The following ST6GALNAC3 variants were observed in gnomAD, a reference collection of about 807,000 sequenced individuals.
The protein encoded by ST6GALNAC3 is ST6 N-acetylgalactosaminide alpha-2,6-sialyltransferase 3.
A neutral mutation model predicts 32.7 loss-of-function variants in ST6GALNAC3; 25 were observed. The observed-to-expected ratio is 0.76, with a 90% confidence interval of 0.56 to 1.07. The LOEUF (loss-of-function observed/expected upper bound fraction) is 1.07. Ranked by LOEUF, ST6GALNAC3 falls within the 50% of genes least tolerant of loss-of-function variation. The probability of loss-of-function intolerance (pLI) is 0.00; values close to 1 mark genes in which losing one functional copy is unlikely to be tolerated. For missense variants in ST6GALNAC3, 355 were observed against 382.4 expected (o/e 0.93, Z 0.60); for synonymous variants, 129 against 133.1 (o/e 0.97, Z 0.21).
At chr1:76,440,465 T>A (rs1323506905) in intron 3 of ST6GALNAC3, among the ~76,000 whole-genome samples, 1 of 152,244 alleles carries the variant, frequency 6.6e-6, no homozygotes, top group Non-Finnish European at 1.5e-5. Context: ...TCCATGTCGA[T>A]GACAACATGA....
At chr1:76,357,533 C>T (rs778131279) in intron 2 of ST6GALNAC3, among the ~76,000 whole-genome samples, 19 of 152,138 alleles carry the variant, frequency 1.2e-4, no homozygotes, top group African/African-American at 4.3e-4. Flanking sequence ...AAATTCTATC[C>T]TTCCAGTGGG....
intron 1 of ST6GALNAC3, among the ~76,000 whole-genome samples, chr1:76,217,878 T>C (rs1477883808): frequency 6.6e-6 from 1 of 152,258 alleles, no homozygotes; most frequent in Non-Finnish European, 1.5e-5. Context: ...TAGTATTCTA[T>C]GGTATATATA....
At chr1:76,302,708 C>T (rs1282926490) in intron 1 of ST6GALNAC3, among the ~76,000 whole-genome samples, 1 of 152,042 alleles carries the variant, frequency 6.6e-6, no homozygotes, top group East Asian at 1.9e-4. Flanking sequence ...CTCTTATTTT[C>T]CCCAATTTTA....
chr1:76,285,025 G>A (rs1451824214), intron 1 of ST6GALNAC3, among the ~76,000 whole-genome samples: 1 of 152,162 alleles, frequency 6.6e-6, no homozygotes, highest in Non-Finnish European at 1.5e-5. Flanking sequence ...AAGAGAGGTA[G>A]GAAATGAGGC....
intron 3 of ST6GALNAC3, among the ~76,000 whole-genome samples, chr1:76,449,827 ATT>A (rs1385982300): frequency 6.6e-6 from 1 of 151,876 alleles, no homozygotes; most frequent in Non-Finnish European, 1.5e-5. Context: ...ATTTGTTTTG[ATT>A]TCAATAGGTT....
chr1:76,084,527 A>G (rs1048099301), intron 1 of ST6GALNAC3, among the ~76,000 whole-genome samples: 3 of 152,186 alleles, frequency 2.0e-5, no homozygotes, highest in African/African-American at 7.2e-5. Flanking sequence ...CCAGGAGGGT[A>G]TTACACATAT....
intron 3 of ST6GALNAC3, among the ~76,000 whole-genome samples, chr1:76,527,212 C>T (rs1019290829): frequency 5.9e-5 from 9 of 152,042 alleles, no homozygotes; most frequent in Non-Finnish European, 1.0e-4. Context: ...GCATATATTG[C>T]ACACAGAAAG....
intron 1 of ST6GALNAC3, among the ~76,000 whole-genome samples, chr1:76,172,887 TATC>T (rs1294199967): frequency 5.3e-5 from 8 of 152,308 alleles, no homozygotes; most frequent in African/African-American, 1.7e-4. Context: ...GAAGAATTAA[TATC>T]ATGAAAATGG....
chr1:76,313,379 C>T (rs114812223), intron 1 of ST6GALNAC3, among the ~76,000 whole-genome samples: 1,613 of 152,086 alleles, frequency 0.011, 31 homozygotes, highest in African/African-American at 0.036. Context: ...AAAAGTACAA[C>T]AATAGAAGTG....
At chr1:76,141,156 A>G (rs1650296226) in intron 1 of ST6GALNAC3, among the ~76,000 whole-genome samples, 1 of 152,188 alleles carries the variant, frequency 6.6e-6, no homozygotes, top group Non-Finnish European at 1.5e-5. Context: ...CCTTTGTGAC[A>G]GTCCCAATGG....
At chr1:76,151,467 G>C (rs1570209150) in intron 1 of ST6GALNAC3, among the ~76,000 whole-genome samples, 1 of 152,152 alleles carries the variant, frequency 6.6e-6, no homozygotes, top group East Asian at 1.9e-4. Flanking sequence ...CACAGAGGCA[G>C]GATTCCAGTG....
At chr1:76,605,047 C>T (rs1486776320) in intron 3 of ST6GALNAC3, among the ~76,000 whole-genome samples, 2 of 152,004 alleles carry the variant, frequency 1.3e-5, no homozygotes, top group Non-Finnish European at 2.9e-5. Context: ...TTCTTGTTAA[C>T]ATGAAATAAC....
chr1:76,348,718 C>G (rs1648720410), intron 2 of ST6GALNAC3, among the ~76,000 whole-genome samples: 1 of 152,098 alleles, frequency 6.6e-6, no homozygotes, highest in Non-Finnish European at 1.5e-5. Context: ...GCTTTTCATA[C>G]AACATTTATT....
At chr1:76,447,053 C>T (rs970020369) in intron 3 of ST6GALNAC3, among the ~76,000 whole-genome samples, 2 of 152,130 alleles carry the variant, frequency 1.3e-5, no homozygotes, top group East Asian at 1.9e-4. Flanking sequence ...CAGAAGAAGA[C>T]AGGAAAATGT....
At chr1:76,253,293 T>C (rs1657725896) in intron 1 of ST6GALNAC3, among the ~76,000 whole-genome samples, 1 of 152,174 alleles carries the variant, frequency 6.6e-6, no homozygotes, top group African/African-American at 2.4e-5. Flanking sequence ...TAATATGCTC[T>C]GCCTCCTTTC....
In ST6GALNAC3 at chr1:76,107,737, G is replaced by A. The variant is rs1435028906; in HGVS notation, c.18+32853G>A. On this transcript the variant is annotated intron_variant, in intron 1 of 4. Transcript: ENST00000328299. ...TGAACACTATGGGCGACCCATGTGT[G>A]TGGGCTCATAGGAAGATGCAATGTG... 2.0e-5 allele frequency among the ~76,000 whole-genome samples: 3 copies of A among 152,178 alleles called. No individual in the cohort carries two copies. In the East Asian group the frequency reaches 5.8e-4, roughly 29 times the overall value.
chr1:76,381,058 G>A (rs1262081354), intron 2 of ST6GALNAC3, among the ~76,000 whole-genome samples: 1 of 150,298 alleles, frequency 6.7e-6, no homozygotes, highest in Non-Finnish European at 1.5e-5. Flanking sequence ...TATCTATCTA[G>A]TTAACTATCT....
intron 4 of ST6GALNAC3, among the ~76,000 whole-genome samples, 170 bp from the exon 5 acceptor site, chr1:76,628,450 C>T (rs1200109231): frequency 6.6e-6 from 1 of 151,954 alleles, no homozygotes; most frequent in Admixed American, 6.6e-5. Flanking sequence ...CTTGGTACAT[C>T]TTCCTAAAAG....
chr1:76,564,675 T>A (rs1665447014), intron 3 of ST6GALNAC3, among the ~76,000 whole-genome samples: 1 of 148,322 alleles, frequency 6.7e-6, no homozygotes, highest in East Asian at 2.0e-4. Flanking sequence ...AAGCTCCGCC[T>A]CCCGGGTTCA....
Sources: gnomAD v4.1 joint callset for allele counts (sites outside exome capture counted in the v4.1 genomes callset) on GRCh38, gnomAD v4.1.1 for gene constraint, MANE v1.5 for transcripts, NCBI Gene and HGNC (gene_info 2026-07-23, HGNC 2026-07-21) for gene names.